The following ACOT8 variants were observed in gnomAD, a reference collection of about 807,000 sequenced individuals.
ACOT8 encodes acyl-coenzyme A thioesterase 8.
Under a neutral mutation model 38.4 loss-of-function variants are expected in ACOT8, and 31 were observed. The ratio of observed to expected loss-of-function variants is 0.81; its 90% CI spans 0.61 to 1.09. The LOEUF is 1.09. Among genes scored for constraint, ACOT8 ranks in the 50% least tolerant of loss-of-function variants. ACOT8 has a pLI of 0.00. For synonymous variants in ACOT8, 158 were observed against 170.3 expected, an observed-to-expected ratio of 0.93 and a Z score of 0.56; for missense variants, 373 against 421.8, an observed-to-expected ratio of 0.88 and a Z score of 1.01.
intron 2 of ACOT8, 185 bp from the exon 3 acceptor site, chr20:45,848,860 G>A (rs577446049): frequency 2.0e-6 from 1 of 496,838 alleles, no homozygotes; most frequent in East Asian, 3.2e-5. Context: ...CCCTGTGCAG[G>A]TGGAGCTTTT....
chr20:45,843,198 C>A lies in ACOT8; in HGVS notation c.841+329G>T. ...TGGATACCACTGCTGTAATGTAACCCTCTTTGTTTAGATGAGGAAACTGAG... is the reference window on the plus strand; with the variant it reads ...TGGATACCACTGCTGTAATGTAACCATCTTTGTTTAGATGAGGAAACTGAG... On this transcript the variant is annotated intron_variant, in intron 5 of 5. Coordinates refer to ENST00000217455, the MANE Select transcript of ACOT8 (RefSeq NM_005469.4). The A allele has an allele frequency of 6.0e-6, 3 of 497,010 alleles. No homozygotes were observed. The Admixed American group carries it at 8.8e-5, about 15-fold the overall frequency. The allele number at this position is 497,010 out of a possible 1,614,324, so 30.8% of individuals were successfully genotyped here. A position where few individuals can be genotyped will look rare whatever the true frequency, so the allele number is the denominator to read the frequency against.
intron 5 of ACOT8, chr20:45,842,657 A>G (rs1984316283): frequency 2.0e-6 from 2 of 990,088 alleles, no homozygotes; most frequent in South Asian, 9.2e-5. Context: ...AGCAGAGCTC[A>G]CTCAGTTCTC....
intron 5 of ACOT8, chr20:45,842,264 T>TA: frequency 7.0e-7 from 1 of 1,431,002 alleles, no homozygotes. Flanking sequence ...CATTGAGGGG[T>TA]AACTCCTCCC....
chr20:45,844,219 A>G, intron 4 of ACOT8, 44 bp downstream of exon 4: 1 of 1,612,976 alleles, frequency 6.2e-7, no homozygotes, highest in African/African-American at 1.3e-5. Flanking sequence ...TGAGTGGTAG[A>G]CCCCTTGGAG....
At chr20:45,856,960 TCAC>T (rs1985491736) in intron 1 of ACOT8, among the ~76,000 whole-genome samples, 1 of 152,146 alleles carries the variant, frequency 6.6e-6, no homozygotes, top group African/African-American at 2.4e-5. Flanking sequence ...GTCTCTCAGG[TCAC>T]CACTATATTT....
intron 3 of ACOT8, chr20:45,847,860 T>A (rs1158203149): frequency 6.6e-6 from 1 of 150,488 alleles, no homozygotes; most frequent in Non-Finnish European, 1.5e-5. Flanking sequence ...CACTGCAGCC[T>A]CCACCTCCCA....
In ACOT8 at chr20:45,848,608, G is replaced by A; in HGVS notation, c.330C>T (p.Arg110=). 2 of 1,613,954 alleles carry A rather than the reference G, an allele frequency of 1.2e-6. No individual in the cohort carries two copies. The highest frequency in any genetic ancestry group is 1.7e-6 in the Non-Finnish European group (2 of 1,180,012). Reference sequence around the variant, plus strand: ...TCCCATGTTGCACGGCCTTCACAGAGCGCACCGAGAAGCTCGACCCTGTTC... The same window carrying A: ...TCCCATGTTGCACGGCCTTCACAGAACGCACCGAGAAGCTCGACCCTGTTC... ...RTRTGSSFSV[R]SVKAVQHGKP... is the part of the protein sequence containing the mutation. The change falls in exon 3 of 6, where the codon CGC becomes CGT. Residue 110 remains arginine, a synonymous_variant. Transcript: ENST00000217455.
intron 2 of ACOT8, among the ~76,000 whole-genome samples, chr20:45,850,631 A>G (rs1436360813): frequency 6.6e-6 from 1 of 152,170 alleles, no homozygotes; most frequent in Non-Finnish European, 1.5e-5. Flanking sequence ...CTTCACTGTC[A>G]GGTGTCTCTG....
chr20:45,843,476 G>C (rs1601087944), intron 5 of ACOT8, 51 bp downstream of exon 5: 1 of 1,584,260 alleles, frequency 6.3e-7, no homozygotes, highest in South Asian at 1.1e-5. Context: ...AAGAAAGCAG[G>C]CTCCTGCCAC....
chr20:45,844,724 C>A (rs1452593687), intron 3 of ACOT8, among the ~76,000 whole-genome samples: 1 of 152,220 alleles, frequency 6.6e-6, no homozygotes, highest in African/African-American at 2.4e-5. Flanking sequence ...ACCAACACAT[C>A]ATAGTAATAA....
chr20:45,851,924 C>T (rs1985087807), intron 2 of ACOT8, among the ~76,000 whole-genome samples: 1 of 152,168 alleles, frequency 6.6e-6, no homozygotes, highest in Non-Finnish European at 1.5e-5. Flanking sequence ...TGATAAATGG[C>T]CAAGGACCAA....
intron 5 of ACOT8, chr20:45,842,280 A>C: frequency 7.0e-7 from 1 of 1,428,600 alleles, no homozygotes; most frequent in Non-Finnish European, 9.1e-7. Flanking sequence ...CTCCCACAGG[A>C]ACCCCAGTTG....
At chr20:45,844,569 G>A (rs1221527642) in intron 3 of ACOT8, 149 bp from the exon 4 acceptor site, 15 of 895,652 alleles carry the variant, frequency 1.7e-5, no homozygotes, top group East Asian at 5.3e-5. Flanking sequence ...ATAGTGCAGC[G>A]TTTGAATCCC....
At position 45,855,252 on chromosome 20, in the gene ACOT8, C is replaced by T; in HGVS notation, c.169G>A (p.Gly57Ser). 6.2e-7 allele frequency: 1 copy of T among 1,614,156 alleles called. No individual in the cohort carries two copies. The highest frequency in any genetic ancestry group is 8.5e-7 in the Non-Finnish European group (1 of 1,180,026). Reference sequence around the variant, plus strand: ...ACCAGGGCCTGGCCCACGATCTGACCACCAAACAGCCTCTTGGCCGGTACC... The same window carrying T: ...ACCAGGGCCTGGCCCACGATCTGACTACCAAACAGCCTCTTGGCCGGTACC... ...YWVPAKRLFG[G>S]QIVGQALVAA... The change falls in exon 2 of 6, where the codon GGT (glycine) becomes AGT (serine). Residue 57 changes from glycine (G) to serine (S), a missense_variant. By Grantham distance (56) the Gly-to-Ser change is moderately conservative (BLOSUM62 0). Transcript: ENST00000217455.
intron 3 of ACOT8, among the ~76,000 whole-genome samples, chr20:45,845,827 G>T (rs888652817): frequency 1.9e-4 from 28 of 146,236 alleles, no homozygotes; most frequent in African/African-American, 6.0e-4. Flanking sequence ...ACTGACTTTG[G>T]TTTTTTTTTG....
intron 3 of ACOT8, among the ~76,000 whole-genome samples, chr20:45,844,982 A>G (rs1198251611): frequency 6.6e-6 from 1 of 152,184 alleles, no homozygotes; most frequent in Admixed American, 6.5e-5. Flanking sequence ...ACAGTGGCGC[A>G]ATCAGCTCAC....
In ACOT8 at chr20:45,844,327, G is replaced by C. The variant is rs770426198; in HGVS notation, c.582C>G (p.Pro194=). The part of the protein sequence containing the change: ...PIEIKPVNPS[P]LSQLQRMEPK... ...GCTCCATTCTCTGCAGCTGGCTCAG[G>C]GGGGATGGGTTTACTGGCTTGATCT... Residue 194 remains proline, a synonymous_variant, in exon 4 of 6, where the codon CCC becomes CCG. Coordinates refer to ENST00000217455, the MANE Select transcript of ACOT8 (RefSeq NM_005469.4). 11 of 1,614,050 alleles carry C rather than the reference G, an allele frequency of 6.8e-6. No individual in the cohort carries two copies. The East Asian group carries it at 8.9e-5, about 13-fold the overall frequency.
intron 2 of ACOT8, 81 bp downstream of exon 2, chr20:45,855,078 C>T (rs1354989122): frequency 3.2e-6 from 5 of 1,565,462 alleles, no homozygotes; most frequent in Non-Finnish European, 4.3e-6. Context: ...TCCCTCTCTT[C>T]CCTTTTGACC....
intron 2 of ACOT8, chr20:45,854,086 G>T: frequency 1.2e-6 from 1 of 824,734 alleles, no homozygotes; most frequent in Non-Finnish European, 1.7e-6. Context: ...TTTTTGTAGA[G>T]ACAAGGTCTC....
Sources: gnomAD v4.1 joint callset for allele counts (sites outside exome capture counted in the v4.1 genomes callset) on GRCh38, gnomAD v4.1.1 for gene constraint, MANE v1.5 for transcripts, NCBI Gene and HGNC (gene_info 2026-07-23, HGNC 2026-07-21) for gene names.